DOCK1: variants seen among roughly 807,000 people sequenced by gnomAD.
The protein encoded by DOCK1 is dedicator of cytokinesis protein 1.
DOCK1 carries 138 observed loss-of-function variants against 262.7 expected under a neutral mutation model. The ratio of observed to expected loss-of-function variants is 0.53; its 90% CI spans 0.46 to 0.61. The LOEUF is 0.61. DOCK1 is among the 20% of genes least tolerant of loss of function. The pLI is 0.00. For synonymous variants in DOCK1, 866 were observed against 867.4 expected (o/e 1.00, Z 0.03); for missense variants, 1,908 against 2,370.7 (o/e 0.80, Z 4.05).
In DOCK1 at chr10:126,961,016, C is replaced by A. The variant is rs1397454890; in HGVS notation, c.47-9686C>A. Reference sequence around the variant, plus strand: ...TGAGGAAAGGCTCTTTTGTATATTTCTTTTCACATTCTTATCTTCACCATC... The same window carrying A: ...TGAGGAAAGGCTCTTTTGTATATTTATTTTCACATTCTTATCTTCACCATC... On this transcript the variant is annotated intron_variant, in intron 1 of 51. Transcript: ENST00000623213. 2.0e-5 allele frequency among the ~76,000 whole-genome samples: 3 copies of A among 152,138 alleles called. No individual in the cohort carries two copies. The East Asian group carries it at 5.8e-4, about 29-fold the overall frequency.
At chr10:127,082,879 A>G (rs2046987889) in intron 23 of DOCK1, among the ~76,000 whole-genome samples, 1 of 151,966 alleles carries the variant, frequency 6.6e-6, no homozygotes, top group Non-Finnish European at 1.5e-5. Flanking sequence ...ACGACTGCTC[A>G]TTTTCCTGGC....
chr10:127,417,859 A>G (rs1345872965), intron 44 of DOCK1, among the ~76,000 whole-genome samples: 2 of 152,082 alleles, frequency 1.3e-5, no homozygotes, highest in Admixed American at 1.3e-4. Flanking sequence ...TGCAGGCAGG[A>G]GCCACCACGC....
intron 40 of DOCK1, among the ~76,000 whole-genome samples, chr10:127,408,018 G>A (rs951306630): frequency 1.3e-5 from 2 of 151,986 alleles, no homozygotes; most frequent in Non-Finnish European, 2.9e-5. Context: ...TTCTGTGACC[G>A]AGTTCACACT....
At chr10:127,037,164 G>GGT (rs142321882) in intron 18 of DOCK1, among the ~76,000 whole-genome samples, 4,382 of 152,184 alleles carry the variant, frequency 0.029, 213 homozygotes, top group African/African-American at 0.099. Flanking sequence ...GCCCAGACAT[G>GGT]GTGAGGGCCG....
At chr10:126,966,020 C>T (rs2037646769) in intron 1 of DOCK1, among the ~76,000 whole-genome samples, 1 of 152,138 alleles carries the variant, frequency 6.6e-6, no homozygotes, top group Non-Finnish European at 1.5e-5. Flanking sequence ...GTCCCCACTT[C>T]CCCCCTACCC....
chr10:127,041,545 C>G (rs962418393), intron 19 of DOCK1, among the ~76,000 whole-genome samples: 2 of 152,146 alleles, frequency 1.3e-5, no homozygotes, highest in African/African-American at 4.8e-5. Context: ...ATTTTGTGAA[C>G]ATATGTTTCC....
Position 127,222,964 on chromosome 10 carries a change from G to A in DOCK1, c.2848-25044G>A, listed in dbSNP as rs7901446. On this transcript the variant is annotated intron_variant, in intron 27 of 51. Transcript: ENST00000623213. ...AATTCTGAGATTATAGGTGTGAGCC[G>A]CTGTGCCGAGCCAGTTTCTCCTAGG... 6.6e-3 allele frequency among the ~76,000 whole-genome samples: 1,003 copies of A among 152,142 alleles called. 20 individuals carry two copies. The highest frequency in any genetic ancestry group is 0.023 in the African/African-American group (951 of 41,478).
chr10:127,334,347 T>C (rs2063108411), intron 29 of DOCK1, among the ~76,000 whole-genome samples: 2 of 152,234 alleles, frequency 1.3e-5, no homozygotes, highest in Non-Finnish European at 2.9e-5. Flanking sequence ...ATTAGTAGTT[T>C]TTGTTGCTAA....
chr10:127,443,758 C>T (rs7068699), intron 49 of DOCK1, among the ~76,000 whole-genome samples: 1 of 151,850 alleles, frequency 6.6e-6, no homozygotes, highest in Non-Finnish European at 1.5e-5. Context: ...CATTGTCACA[C>T]GTTAGCTACA....
At chr10:127,447,364 G>A (rs869800) in intron 50 of DOCK1, 30 bp from the exon 51 acceptor site, 290,002 of 1,600,700 alleles carry the variant, frequency 0.18, 27,085 homozygotes, top group Middle Eastern at 0.23. Context: ...GGGAAGTCGG[G>A]CTGATTTTAA....
intron 27 of DOCK1, among the ~76,000 whole-genome samples, chr10:127,229,688 A>G (rs1227650829): frequency 6.6e-6 from 1 of 152,214 alleles, no homozygotes; most frequent in African/African-American, 2.4e-5. Context: ...GCTACAGTGT[A>G]CATGGGAGTG....
At chr10:127,309,086 T>A (rs1244581845) in intron 29 of DOCK1, among the ~76,000 whole-genome samples, 1 of 152,222 alleles carries the variant, frequency 6.6e-6, no homozygotes, top group African/African-American at 2.4e-5. Flanking sequence ...CTCCACAGCC[T>A]CGCCAGTATC....
At chr10:127,134,673 T>G (rs953369441) in intron 27 of DOCK1, among the ~76,000 whole-genome samples, 17 of 152,174 alleles carry the variant, frequency 1.1e-4, no homozygotes, top group Non-Finnish European at 2.5e-4. Flanking sequence ...TCCCTCTGTC[T>G]GCTCTGGGCT....
intron 24 of DOCK1, among the ~76,000 whole-genome samples, chr10:127,107,942 C>A (rs538996712): frequency 6.6e-6 from 1 of 152,162 alleles, no homozygotes; most frequent in Non-Finnish European, 1.5e-5. Flanking sequence ...CCTCACTGTA[C>A]GCACAAATTA....
intron 27 of DOCK1, among the ~76,000 whole-genome samples, chr10:127,190,542 T>TCCTCATTC (rs1171999072): frequency 6.6e-6 from 1 of 151,436 alleles, no homozygotes; most frequent in African/African-American, 2.4e-5. Context: ...TCATCCAATT[T>TCCTCATTC]CCTCCTATTT....
intron 28 of DOCK1, 132 bp downstream of exon 28, chr10:127,248,241 C>T (rs1460714580): frequency 1.2e-5 from 10 of 839,376 alleles, no homozygotes; most frequent in South Asian, 1.8e-5. Flanking sequence ...TTTCAAATGC[C>T]TCCTGGGAAG....
At position 127,447,513 on chromosome 10, in the gene DOCK1, C is replaced by T. The variant is rs1230242015; in HGVS notation, c.5533C>T (p.Pro1845Ser). ...LMENQDLLGS[P>S]TPPPPPPHQR... ...GGAAAACCAGGACTTGCTGGGCTCG[C>T]CAACACCTCCACCTCCCCCTCCACA... The change falls in exon 51 of 52, where the codon CCA becomes TCA. Residue 1845 changes from proline to serine, a missense_variant. By Grantham distance (74) the Pro-to-Ser change is moderately conservative. Around this residue, in one of 9 missense-constraint regions of DOCK1, gnomAD observed 383 missense variants for 420.1 expected, o/e 0.91. Transcript: ENST00000623213. 6.2e-7 allele frequency: 1 copy of T among 1,613,900 alleles called. No individual in the cohort carries two copies. The highest frequency in any genetic ancestry group is 1.1e-5 in the South Asian group (1 of 91,018).
chr10:127,385,598 C>T (rs576221950), intron 38 of DOCK1, among the ~76,000 whole-genome samples: 5 of 152,264 alleles, frequency 3.3e-5, no homozygotes, highest in East Asian at 1.9e-4. Flanking sequence ...AAGGTACCGA[C>T]GTTCACATCC....
At chr10:127,352,006 C>T (rs1214715596) in intron 31 of DOCK1, among the ~76,000 whole-genome samples, 1 of 150,768 alleles carries the variant, frequency 6.6e-6, no homozygotes, top group African/African-American at 2.4e-5. Context: ...GAGGGGTGGG[C>T]TCTTGTATCC....
Sources: allele counts gnomAD v4.1 joint callset (sites outside exome capture counted in the v4.1 genomes callset), GRCh38; gene constraint gnomAD v4.1.1; regional missense constraint gnomAD v4.1.1; transcripts MANE v1.5; gene names NCBI Gene and HGNC (gene_info 2026-07-23, HGNC 2026-07-21).